PCDHA4: variants seen among roughly 807,000 people sequenced by gnomAD.
PCDHA4 encodes the protein protocadherin alpha-4.
Under a neutral mutation model 61.4 loss-of-function variants are expected in PCDHA4, and 49 were observed. That is an observed-to-expected ratio of 0.80 (90% CI 0.63 to 1.01). The LOEUF (loss-of-function observed/expected upper bound fraction) is 1.01. Ranked by LOEUF, PCDHA4 falls within the 50% of genes least tolerant of loss-of-function variation. The pLI, the probability that PCDHA4 is intolerant of heterozygous loss-of-function variation, is 0.00. For synonymous variants in PCDHA4, 590 were observed against 550.3 expected, an observed-to-expected ratio of 1.07 and a Z score of -1.01; for missense variants, 1,254 against 1,235.8, an observed-to-expected ratio of 1.01 and a Z score of -0.22.
At chr5:140,883,519 CG>C in intron 1 of PCDHA4, 1 of 1,614,190 alleles carries the variant, frequency 6.2e-7, no homozygotes, top group African/African-American at 1.3e-5. Flanking sequence ...ACCGCGAGAG[CG>C]TATCAGCCTA....
chr5:140,842,993 G>A (rs2150349485), intron 1 of PCDHA4: 1 of 1,595,046 alleles, frequency 6.3e-7, no homozygotes. Context: ...CGTGCTGGAC[G>A]AGAATGACAA....
At chr5:140,846,180 G>A (rs1196711565) in intron 1 of PCDHA4, among the ~76,000 whole-genome samples, 4 of 149,348 alleles carry the variant, frequency 2.7e-5, no homozygotes, top group East Asian at 1.9e-4. Context: ...CTGAGTAGGC[G>A]TTTGAGTTCT....
At chr5:140,863,386 T>A in intron 1 of PCDHA4, 1 of 1,032,574 alleles carries the variant, frequency 9.7e-7, no homozygotes, top group Non-Finnish European at 1.4e-6. Context: ...CGAGAGCTCG[T>A]GCATGCCGGG....
intron 1 of PCDHA4, among the ~76,000 whole-genome samples, chr5:140,855,548 C>T (rs1345944772): frequency 1.3e-5 from 2 of 149,752 alleles, no homozygotes; most frequent in Non-Finnish European, 3.0e-5. Flanking sequence ...AGTGTCAGAA[C>T]TTAAATGGAA....
intron 1 of PCDHA4, chr5:140,869,706 T>C (rs1554163364): frequency 2.5e-6 from 4 of 1,613,406 alleles, no homozygotes; most frequent in South Asian, 1.1e-5. Flanking sequence ...AGTCTCTGGA[T>C]AGAGAGAAAA....
chr5:140,844,506 G>T (rs1779414039), intron 1 of PCDHA4, among the ~76,000 whole-genome samples: 1 of 148,856 alleles, frequency 6.7e-6, no homozygotes, highest in South Asian at 2.1e-4. Context: ...CTTTATTCTT[G>T]CAAGTATCTT....
intron 3 of PCDHA4, among the ~76,000 whole-genome samples, chr5:140,988,630 G>A (rs184253041): frequency 3.1e-4 from 47 of 152,192 alleles, no homozygotes; most frequent in African/African-American, 1.1e-3. Context: ...AGATGTCCTG[G>A]TTTTCTGAAA....
intron 1 of PCDHA4, chr5:140,882,849 T>A: frequency 1.2e-6 from 2 of 1,614,242 alleles, no homozygotes; most frequent in Non-Finnish European, 1.7e-6. Flanking sequence ...TCATTATCAC[T>A]TGTACTGAGG....
chr5:140,952,338 CAAA>C (rs55931446), intron 1 of PCDHA4, among the ~76,000 whole-genome samples: 80,539 of 134,836 alleles, frequency 0.6, 22,945 homozygotes, highest in African/African-American at 0.71. Context: ...AACTCCATCT[CAAA>C]AAAAAAAAAA....
At chr5:140,869,790 A>G (rs782009264) in intron 1 of PCDHA4, 4 of 1,612,954 alleles carry the variant, frequency 2.5e-6, no homozygotes, top group African/African-American at 1.3e-5. Context: ...TTCGGCTGTT[A>G]GTCCAAGTCT....
chr5:140,999,066 T>G (rs2097845533), intron 3 of PCDHA4, among the ~76,000 whole-genome samples: 1 of 152,214 alleles, frequency 6.6e-6, no homozygotes, highest in Admixed American at 6.5e-5. Flanking sequence ...CTAAGTAGTC[T>G]CCTTCACTTC....
intron 2 of PCDHA4, among the ~76,000 whole-genome samples, chr5:140,980,144 T>C (rs2096877989): frequency 6.6e-6 from 1 of 152,172 alleles, no homozygotes; most frequent in Admixed American, 6.6e-5. Flanking sequence ...GAAACATTCA[T>C]GCATATACCA....
At position 140,809,043 on chromosome 5, in the gene PCDHA4, G is replaced by A. The variant is rs1311161177; in HGVS notation, c.1856G>A (p.Arg619His). Residue 619 changes from arginine to histidine, a missense_variant, in exon 1 of 4, where the codon CGC becomes CAC. Transcript: ENST00000530339. ...CTGCAGCCGGGGACTGGTGGCGCGCGCATCCCGTTCCGCGTGGGGCTGTAC... is the reference window on the plus strand; with the variant it reads ...CTGCAGCCGGGGACTGGTGGCGCGCACATCCCGTTCCGCGTGGGGCTGTAC... ...YELQPGTGGA[R>H]IPFRVGLYTG... 6.2e-7 allele frequency: 1 copy of A among 1,613,854 alleles called. No homozygotes were observed. The highest frequency in any genetic ancestry group is 8.5e-7 in the Non-Finnish European group (1 of 1,179,890).
intron 1 of PCDHA4, among the ~76,000 whole-genome samples, chr5:140,973,202 T>C (rs1266876355): frequency 3.3e-5 from 5 of 152,244 alleles, no homozygotes; most frequent in African/African-American, 1.2e-4. Flanking sequence ...TATGTGTGCA[T>C]ATTCACCCTA....
At chr5:140,931,779 T>G (rs1298337220) in intron 1 of PCDHA4, among the ~76,000 whole-genome samples, 1 of 152,006 alleles carries the variant, frequency 6.6e-6, no homozygotes, top group African/African-American at 2.4e-5. Context: ...CCTGTTCAAT[T>G]ACCTATTGAT....
intron 1 of PCDHA4, chr5:140,863,718 G>A (rs2048134284): frequency 3.6e-6 from 1 of 274,680 alleles, no homozygotes; most frequent in South Asian, 3.9e-5. Flanking sequence ...ACTGGGGCCG[G>A]GTGCGGTAGC....
chr5:140,953,842 T>A (rs1369287853), intron 1 of PCDHA4, among the ~76,000 whole-genome samples: 2 of 152,214 alleles, frequency 1.3e-5, no homozygotes, highest in Non-Finnish European at 2.9e-5. Flanking sequence ...GTTACCCAGG[T>A]AAACATGTGC....
In PCDHA4 at chr5:140,807,232, G is replaced by GCTCTTAC; in HGVS notation, c.46_52dup (p.Leu18ProfsTer112). 2 of 1,614,220 alleles carry GCTCTTAC rather than the reference G, an allele frequency of 1.2e-6. No individual in the cohort carries two copies. The highest frequency in any genetic ancestry group is 8.5e-7 in the Non-Finnish European group (1 of 1,180,046). ...GCGGCCAGGAATCCCGGCGTCTGCT[G>GCTCTTAC]CTCTTACTTCTTCTCCTCGCAGCCT... On this transcript the variant is annotated frameshift_variant, in exon 1 of 4. Coordinates refer to ENST00000530339, the MANE Select transcript of PCDHA4 (RefSeq NM_018907.4). LOFTEE classifies it high-confidence loss of function.
At chr5:140,911,051 G>C (rs566300992) in intron 1 of PCDHA4, among the ~76,000 whole-genome samples, 1 of 152,100 alleles carries the variant, frequency 6.6e-6, no homozygotes, top group East Asian at 1.9e-4. Flanking sequence ...CAGGGGTGGT[G>C]GGGGGTGGGT....
Sources: gnomAD v4.1 joint callset for allele counts (sites outside exome capture counted in the v4.1 genomes callset) on GRCh38, gnomAD v4.1.1 for gene constraint, MANE v1.5 for transcripts, NCBI Gene and HGNC (gene_info 2026-07-23, HGNC 2026-07-21) for gene names.